CEP170: variants seen among roughly 807,000 people sequenced by gnomAD.
CEP170 encodes the protein centrosomal protein 170.
A neutral mutation model predicts 151.9 loss-of-function variants in CEP170; 21 were observed. That is an observed-to-expected ratio of 0.14 (90% CI 0.10 to 0.20). The LOEUF is 0.20. CEP170 is among the 10% of genes least tolerant of loss of function. The pLI is 1.00. For missense variants in CEP170, 964 were observed against 1,892.9 expected, an observed-to-expected ratio of 0.51 and a Z score of 9.11; for synonymous variants, 356 against 648.8, an observed-to-expected ratio of 0.55 and a Z score of 6.86.
intron 7 of CEP170, among the ~76,000 whole-genome samples, chr1:243,196,383 A>T (rs1237785179): frequency 6.6e-6 from 1 of 152,112 alleles, no homozygotes; most frequent in Non-Finnish European, 1.5e-5. Flanking sequence ...AATCACCGTA[A>T]CTGTACCTTT....
intron 4 of CEP170, among the ~76,000 whole-genome samples, chr1:243,208,965 C>G (rs1032839046): frequency 5.3e-5 from 8 of 151,754 alleles, no homozygotes; most frequent in African/African-American, 1.9e-4. Flanking sequence ...TTTTGGCTAC[C>G]TGAAGATTTA....
chr1:243,136,804 A>G (rs1031976749), intron 16 of CEP170, among the ~76,000 whole-genome samples: 4 of 152,046 alleles, frequency 2.6e-5, no homozygotes, highest in African/African-American at 9.7e-5. Flanking sequence ...CAGAGGGTGA[A>G]GGTTTTGGTC....
chr1:243,210,608 ATTTTTTT>A (rs751388751), intron 4 of CEP170, among the ~76,000 whole-genome samples: 2 of 67,942 alleles, frequency 2.9e-5, no homozygotes, highest in Non-Finnish European at 5.1e-5. Flanking sequence ...ATTTTTCGTA[ATTTTTTT>A]TTTTTTTTTT....
intron 17 of CEP170, among the ~76,000 whole-genome samples, chr1:243,131,726 G>GA (rs1164576497): frequency 2.0e-5 from 3 of 151,990 alleles, no homozygotes; most frequent in South Asian, 2.1e-4. Flanking sequence ...ATTTTAAGCT[G>GA]AAAAAATCAT....
chr1:243,172,514 C>T (rs2058922556), intron 11 of CEP170, among the ~76,000 whole-genome samples, 183 bp downstream of exon 11: 1 of 152,180 alleles, frequency 6.6e-6, no homozygotes, highest in Non-Finnish European at 1.5e-5. Context: ...CGCCTGTAAT[C>T]ACAGCTACTT....
At chr1:243,217,619 A>G (rs1450801366) in intron 3 of CEP170, among the ~76,000 whole-genome samples, 5 of 152,250 alleles carry the variant, frequency 3.3e-5, no homozygotes, top group Non-Finnish European at 7.3e-5. Flanking sequence ...AGTTCACAAA[A>G]AATGCAAGTG....
intron 13 of CEP170, among the ~76,000 whole-genome samples, chr1:243,157,973 A>T (rs1215203503): frequency 2.0e-5 from 3 of 152,216 alleles, no homozygotes; most frequent in Non-Finnish European, 4.4e-5. Context: ...TATACTAGGT[A>T]ATTAGTCATA....
At chr1:243,243,753 C>G (rs907272479) in intron 1 of CEP170, among the ~76,000 whole-genome samples, 1 of 152,016 alleles carries the variant, frequency 6.6e-6, no homozygotes, top group Non-Finnish European at 1.5e-5. Context: ...GTCTTGAACT[C>G]CTGACCTTGT....
In CEP170 at chr1:243,172,763, G is replaced by A. The variant is rs752951921; in HGVS notation, c.1650C>T (p.Leu550=). Residue 550 remains leucine (L), a synonymous_variant, in exon 11 of 20, where the codon CTC becomes CTT. Coordinates refer to ENST00000366542, the MANE Select transcript of CEP170 (RefSeq NM_014812.3). Reference sequence around the variant, plus strand: ...CTTCCATTACTGCTGCAGCAGAACTGAGAGCCCAATCTTTTATTAGATCTT... The same window carrying A: ...CTTCCATTACTGCTGCAGCAGAACTAAGAGCCCAATCTTTTATTAGATCTT... The part of the protein sequence containing the change: ...KHKDLIKDWA[L]SSAAAVMEER... 1.1e-5 allele frequency: 18 copies of A among 1,577,426 alleles called. No individual in the cohort carries two copies. The highest frequency in any genetic ancestry group is 1.6e-5 in the Non-Finnish European group (18 of 1,160,520).
At chr1:243,157,560 T>C (rs1402226011) in intron 13 of CEP170, among the ~76,000 whole-genome samples, 1 of 152,206 alleles carries the variant, frequency 6.6e-6, no homozygotes, top group East Asian at 1.9e-4. Context: ...TTCCGAAACC[T>C]AGTGAAAAGC....
rs115442125 is a variant in CEP170 at position 243,227,045 on chromosome 1, C to T, written c.-41-1724G>A. Among the ~76,000 whole-genome samples, 604 of 152,230 alleles carry T rather than the reference C, an allele frequency of 4.0e-3. 3 individuals carry two copies. The highest frequency in any genetic ancestry group is 0.014 in the African/African-American group (573 of 41,546). ...ATTTTGATGGGATTTTGTAACACCA[C>T]GTATTGGTCCTTGGGAAAATATTGA... is the stretch of plus-strand genomic sequence containing the variant. On this transcript the variant is annotated intron_variant, in intron 1 of 19. Coordinates refer to ENST00000366542, the MANE Select transcript of CEP170 (RefSeq NM_014812.3).
intron 1 of CEP170, among the ~76,000 whole-genome samples, chr1:243,248,451 G>A (rs1346306903): frequency 3.3e-5 from 5 of 152,166 alleles, no homozygotes; most frequent in Non-Finnish European, 5.9e-5. Context: ...ATCCCTTTAA[G>A]TCTACTGGTG....
At position 243,237,639 on chromosome 1, in the gene CEP170, C is replaced by A. The variant is rs1292657540; in HGVS notation, c.-41-12318G>T. Among the ~76,000 whole-genome samples the A allele has an allele frequency of 2.0e-5, 3 of 152,166 alleles. No individual in the cohort carries two copies. The East Asian group carries it at 5.8e-4, about 29-fold the overall frequency. On this transcript the variant is annotated intron_variant, in intron 1 of 19. Coordinates refer to ENST00000366542, the MANE Select transcript of CEP170 (RefSeq NM_014812.3). ...ACTATAGGCCAGGCATGGTGGCTCA[C>A]GCCTGTAATCCCAGCACTTTGGGAG...
chr1:243,187,665 AAT>A (rs1289055952), intron 8 of CEP170, among the ~76,000 whole-genome samples: 1 of 152,146 alleles, frequency 6.6e-6, no homozygotes, highest in African/African-American at 2.4e-5. Flanking sequence ...GGGAGAAGCA[AAT>A]GACCTATGTC....
chr1:243,170,216 T>G (rs2058732106), intron 11 of CEP170, among the ~76,000 whole-genome samples: 1 of 93,550 alleles, frequency 1.1e-5, no homozygotes, highest in South Asian at 4.7e-4. Context: ...TGAAACCCTG[T>G]CTCTACTAAA....
chr1:243,146,060 G>C (rs577293782), intron 14 of CEP170, among the ~76,000 whole-genome samples: 1 of 152,324 alleles, frequency 6.6e-6, no homozygotes, highest in South Asian at 2.1e-4. Flanking sequence ...TATTCTAAGT[G>C]AAGTAATTCA....
chr1:243,169,877 A>G lies in CEP170; in HGVS notation c.1717-123T>C, dbSNP rs2058708538. The G allele has an allele frequency of 2.6e-6, 3 of 1,150,326 alleles. No individual in the cohort carries two copies. The Admixed American group carries it at 9.3e-5, about 36-fold the overall frequency. The allele number at this position is 1,150,326 out of a possible 1,614,324, so 71.3% of individuals were successfully genotyped here. ...ACCCATAATTAAACCTCACCTTGCT[A>G]TATTATCATTGATTACATCTTCTCT... is the stretch of plus-strand genomic sequence containing the variant. On this transcript the variant is annotated intron_variant, in intron 11 of 19. Coordinates refer to ENST00000366542, the MANE Select transcript of CEP170 (RefSeq NM_014812.3).
At chr1:243,149,533 A>G (rs936138038) in intron 14 of CEP170, among the ~76,000 whole-genome samples, 9 of 152,142 alleles carry the variant, frequency 5.9e-5, no homozygotes, top group Non-Finnish European at 8.8e-5. Flanking sequence ...TAGCCCAACA[A>G]AATAACAGGG....
At chr1:243,138,868 A>G (rs1019014285) in intron 16 of CEP170, among the ~76,000 whole-genome samples, 10 of 152,170 alleles carry the variant, frequency 6.6e-5, no homozygotes, top group Non-Finnish European at 1.2e-4. Context: ...TTTATTTTCA[A>G]CTTTAGGAGA....
Sources: allele counts gnomAD v4.1 joint callset (sites outside exome capture counted in the v4.1 genomes callset), GRCh38; gene constraint gnomAD v4.1.1; transcripts MANE v1.5; gene names NCBI Gene and HGNC (gene_info 2026-07-23, HGNC 2026-07-21).